The following PPP3CA variants were observed in gnomAD, a reference collection of about 807,000 sequenced individuals.
PPP3CA encodes protein phosphatase 3 catalytic subunit alpha.
PPP3CA carries 14 observed loss-of-function variants against 66.5 expected under a neutral mutation model. The ratio of observed to expected loss-of-function variants is 0.21; its 90% CI spans 0.14 to 0.33. PPP3CA has a LOEUF of 0.33. Among genes scored for constraint, PPP3CA ranks in the 10% least tolerant of loss-of-function variants. The probability of loss-of-function intolerance (pLI) is 1.00; values close to 1 mark genes in which losing one functional copy is unlikely to be tolerated. For missense variants in PPP3CA, 317 were observed against 639.5 expected, an observed-to-expected ratio of 0.50 and a Z score of 5.44; for synonymous variants, 232 against 226.2, an observed-to-expected ratio of 1.03 and a Z score of -0.23.
At chr4:101,058,868 G>A (rs1728338151) in intron 10 of PPP3CA, among the ~76,000 whole-genome samples, 1 of 152,068 alleles carries the variant, frequency 6.6e-6, no homozygotes, top group African/African-American at 2.4e-5. Context: ...ATATATATTT[G>A]CTGAGTGAAT....
rs79104089 is a variant in PPP3CA at position 101,321,736 on chromosome 4, G to A, written c.58+25003C>T. On this transcript the variant is annotated intron_variant, in intron 1 of 13. Transcript: ENST00000394854. ...AAAAAGGCAAAGAGCTTGGTACTAC[G>A]GCTGCACAAAGGTTCAAAACTAAGA... 3.5e-4 allele frequency among the ~76,000 whole-genome samples: 54 copies of A among 152,196 alleles called. No individual in the cohort carries two copies. In the East Asian group the frequency reaches 9.1e-3, roughly 26 times the overall value.
chr4:101,103,739 A>C (rs2110257926), intron 3 of PPP3CA, among the ~76,000 whole-genome samples: 1 of 152,330 alleles, frequency 6.6e-6, no homozygotes, highest in South Asian at 2.1e-4. Context: ...ACGGCTAGAA[A>C]GGGAGTTTGA....
intron 1 of PPP3CA, among the ~76,000 whole-genome samples, chr4:101,218,029 A>G (rs1432171223): frequency 6.6e-6 from 1 of 152,122 alleles, no homozygotes; most frequent in African/African-American, 2.4e-5. Context: ...AAATAGTCTT[A>G]TTACTCATCT....
At chr4:101,253,524 C>A (rs1408039891) in intron 1 of PPP3CA, among the ~76,000 whole-genome samples, 1 of 152,042 alleles carries the variant, frequency 6.6e-6, no homozygotes, top group Admixed American at 6.6e-5. Flanking sequence ...TTAATTTCAT[C>A]GTATTAAATA....
At chr4:101,171,423 G>C (rs1723876168) in intron 2 of PPP3CA, among the ~76,000 whole-genome samples, 1 of 151,256 alleles carries the variant, frequency 6.6e-6, no homozygotes, top group Non-Finnish European at 1.5e-5. Flanking sequence ...GAACTTGCCT[G>C]TGAAGTTCCG....
At chr4:101,116,331 C>T (rs1421685498) in intron 2 of PPP3CA, among the ~76,000 whole-genome samples, 2 of 151,852 alleles carry the variant, frequency 1.3e-5, no homozygotes, top group Admixed American at 1.3e-4. Flanking sequence ...CAATAAAATC[C>T]ATAATGTTAA....
intron 1 of PPP3CA, among the ~76,000 whole-genome samples, chr4:101,247,306 T>A (rs1578591471): frequency 6.6e-6 from 1 of 151,736 alleles, no homozygotes; most frequent in East Asian, 1.9e-4. Context: ...GGATGACAGG[T>A]GTTTACCACC....
chr4:101,289,870 ATGTGTGTG>A (rs72004461), intron 1 of PPP3CA, among the ~76,000 whole-genome samples: 1,918 of 141,772 alleles, frequency 0.014, 18 homozygotes, highest in African/African-American at 0.028. Flanking sequence ...ATGTCCGTGT[ATGTGTGTG>A]TGTGTGTGTG....
At chr4:101,162,519 G>C (rs1185276238) in intron 2 of PPP3CA, among the ~76,000 whole-genome samples, 5 of 147,024 alleles carry the variant, frequency 3.4e-5, no homozygotes, top group Non-Finnish European at 7.5e-5. Flanking sequence ...GACAGAGCAA[G>C]ACTCCATCAA....
intron 3 of PPP3CA, among the ~76,000 whole-genome samples, chr4:101,106,951 C>T (rs1425285664): frequency 1.3e-5 from 2 of 152,132 alleles, no homozygotes; most frequent in Non-Finnish European, 2.9e-5. Context: ...GTCCAAACCA[C>T]CATTATGTAG....
In PPP3CA at chr4:101,025,488, T is replaced by A. The variant is rs1281604815; in HGVS notation, c.*377A>T. On this transcript the variant is annotated 3_prime_UTR_variant, in exon 14 of 14. Coordinates refer to ENST00000394854, the MANE Select transcript of PPP3CA (RefSeq NM_000944.5). ...AGTAAGAAATTAGACAAAGTTTTCA[T>A]GTCCAGTAACAGAATAAAAGGCCTT... The A allele has an allele frequency of 6.3e-6, 1 of 158,246 alleles. No individual in the cohort carries two copies. The highest frequency in any genetic ancestry group is 1.4e-5 in the Non-Finnish European group (1 of 72,012). The allele number at this position is 158,246 out of a possible 1,614,324, so 9.8% of individuals were successfully genotyped here. A position where few individuals can be genotyped will look rare whatever the true frequency, so the allele number is the denominator to read the frequency against.
intron 1 of PPP3CA, among the ~76,000 whole-genome samples, chr4:101,249,137 G>A (rs961997867): frequency 6.6e-6 from 1 of 150,868 alleles, no homozygotes; most frequent in East Asian, 2.0e-4. Flanking sequence ...TCTGCAGTCC[G>A]GCCTGGGCGA....
At chr4:101,079,506 G>T (rs1324050615) in intron 8 of PPP3CA, among the ~76,000 whole-genome samples, 3 of 151,718 alleles carry the variant, frequency 2.0e-5, no homozygotes, top group Admixed American at 1.3e-4. Context: ...AGCCTCCCGA[G>T]TAGCTGGGAC....
At chr4:101,344,870 T>C (rs1729929323) in intron 1 of PPP3CA, among the ~76,000 whole-genome samples, 1 of 152,202 alleles carries the variant, frequency 6.6e-6, no homozygotes, top group Admixed American at 6.5e-5. Flanking sequence ...TCATTTGAAT[T>C]ATAAGCTTTA....
intron 8 of PPP3CA, among the ~76,000 whole-genome samples, chr4:101,073,576 G>C (rs922455876): frequency 6.6e-6 from 1 of 152,008 alleles, no homozygotes; most frequent in Non-Finnish European, 1.5e-5. Flanking sequence ...ACCTCATACT[G>C]ATAATAAAAG....
At chr4:101,135,561 T>A (rs1391480450) in intron 2 of PPP3CA, among the ~76,000 whole-genome samples, 1 of 152,232 alleles carries the variant, frequency 6.6e-6, no homozygotes, top group East Asian at 1.9e-4. Context: ...CTTTCATGCA[T>A]GAGGCACCAA....
chr4:101,246,141 A>C (rs1726472241), intron 1 of PPP3CA, among the ~76,000 whole-genome samples: 1 of 152,188 alleles, frequency 6.6e-6, no homozygotes, highest in African/African-American at 2.4e-5. Context: ...AAACTCCTTA[A>C]ATAAAGTATC....
At chr4:101,050,333 T>G (rs1298766642) in intron 10 of PPP3CA, among the ~76,000 whole-genome samples, 1 of 152,050 alleles carries the variant, frequency 6.6e-6, no homozygotes, top group Admixed American at 6.6e-5. Flanking sequence ...AATACTTGGC[T>G]TCTCCACTTC....
chr4:101,175,635 G>A (rs1440395759), intron 2 of PPP3CA, among the ~76,000 whole-genome samples: 1 of 152,158 alleles, frequency 6.6e-6, no homozygotes, highest in Non-Finnish European at 1.5e-5. Flanking sequence ...TTAATTCTTT[G>A]TAATTCTGCA....
Sources: allele counts gnomAD v4.1 joint callset (sites outside exome capture counted in the v4.1 genomes callset), GRCh38; gene constraint gnomAD v4.1.1; transcripts MANE v1.5; gene names NCBI Gene and HGNC (gene_info 2026-07-23, HGNC 2026-07-21).